Variants in IL1RAPL1 observed in about 807,000 individuals in gnomAD.
IL1RAPL1 encodes interleukin 1 receptor accessory protein like 1.
Under a neutral mutation model 48.4 loss-of-function variants are expected in IL1RAPL1, and 3 were observed. That is an observed-to-expected ratio of 0.06 (90% CI 0.03 to 0.16). The LOEUF is 0.16. Ranked by LOEUF, IL1RAPL1 falls within the 10% of genes least tolerant of loss-of-function variation. The pLI, the probability that IL1RAPL1 is intolerant of heterozygous loss-of-function variation, is 1.00. For missense variants in IL1RAPL1, 349 were observed against 530.6 expected, an observed-to-expected ratio of 0.66 and a Z score of 3.36; for synonymous variants, 185 against 187.7, an observed-to-expected ratio of 0.99 and a Z score of 0.12.
intron 2 of IL1RAPL1, among the ~76,000 whole-genome samples, chrX:29,122,853 C>G (rs1340555679): frequency 9.1e-6 from 1 of 110,264 alleles, no homozygotes; most frequent in African/African-American, 3.3e-5. Context: ...GAAGAGCTTT[C>G]CTTTCTTACT....
intron 3 of IL1RAPL1, among the ~76,000 whole-genome samples, chrX:29,310,128 A>C (rs1932696868): frequency 1.7e-5 from 1 of 58,828 alleles, no homozygotes; most frequent in Non-Finnish European, 3.4e-5. Context: ...AAAAAAAAAA[A>C]AGAAAGGAAA....
intron 6 of IL1RAPL1, among the ~76,000 whole-genome samples, chrX:29,845,637 TA>T (rs1344682028): frequency 9.0e-6 from 1 of 110,899 alleles, no homozygotes; most frequent in Non-Finnish European, 1.9e-5. Context: ...CTGGCCTGAA[TA>T]ACAAAATATA....
intron 2 of IL1RAPL1, among the ~76,000 whole-genome samples, chrX:28,907,263 A>C (rs1055659063): frequency 1.8e-5 from 2 of 110,945 alleles, no homozygotes; most frequent in South Asian, 7.5e-4. Flanking sequence ...TATTTTTATT[A>C]GTATTTTTTG....
At chrX:29,476,872 CTTTTT>C (rs1198120274) in intron 5 of IL1RAPL1, among the ~76,000 whole-genome samples, 4 of 53,933 alleles carry the variant, frequency 7.4e-5, no homozygotes, top group African/African-American at 1.4e-4. Context: ...TACCCATATT[CTTTTT>C]TTTTTTTTTT....
Position 28,731,765 on chromosome X carries a change from C to T in IL1RAPL1, c.-24-57555C>T, listed in dbSNP as rs542502285. Among the ~76,000 whole-genome samples, 18 of 111,539 alleles carry T rather than the reference C, an allele frequency of 1.6e-4. No individual in the cohort carries two copies. In the South Asian group the frequency reaches 6.4e-3, roughly 40 times the overall value. On this transcript the variant is annotated intron_variant, in intron 1 of 10. Transcript: ENST00000378993. ...TGTTTTTTCCCTCCCTTCTTTCTCCCCTACCTCCTAACCCCAGACAACTGT... is the reference window on the plus strand; with the variant it reads ...TGTTTTTTCCCTCCCTTCTTTCTCCTCTACCTCCTAACCCCAGACAACTGT...
Position 29,136,679 on chromosome X carries a change from A to G in IL1RAPL1, c.83-146259A>G, listed in dbSNP as rs1464731966. Among the ~76,000 whole-genome samples, 3 of 111,641 alleles carry G rather than the reference A, an allele frequency of 2.7e-5. No individual in the cohort carries two copies. In the Admixed American group the frequency reaches 2.9e-4, roughly 11 times the overall value. ...ACCCAGCCTCACTGTGTGATCTTGAATAAGTTACTGAGCCTAGTTTCTCTG... is the reference window on the plus strand; with the variant it reads ...ACCCAGCCTCACTGTGTGATCTTGAGTAAGTTACTGAGCCTAGTTTCTCTG... On this transcript the variant is annotated intron_variant, in intron 2 of 10. Transcript: ENST00000378993.
intron 3 of IL1RAPL1, among the ~76,000 whole-genome samples, chrX:29,283,560 T>G (rs1437782317): frequency 8.9e-6 from 1 of 112,420 alleles, no homozygotes; most frequent in African/African-American, 3.2e-5. Context: ...CTAAATGAGT[T>G]GTAACATTTT....
chrX:29,273,089 T>G, intron 2 of IL1RAPL1, among the ~76,000 whole-genome samples: 1 of 112,009 alleles, frequency 8.9e-6, no homozygotes, highest in African/African-American at 3.2e-5. Context: ...CTCCTGAATC[T>G]CCATAATTTT....
chrX:29,064,613 G>A (rs1602039035), intron 2 of IL1RAPL1, among the ~76,000 whole-genome samples: 1 of 110,913 alleles, frequency 9.0e-6, no homozygotes, highest in Non-Finnish European at 1.9e-5. Flanking sequence ...ATGGAGTCTC[G>A]CTCTGTCGTC....
chrX:29,413,420 T>G (rs923259910), intron 5 of IL1RAPL1, among the ~76,000 whole-genome samples: 1 of 110,593 alleles, frequency 9.0e-6, no homozygotes, highest in Non-Finnish European at 1.9e-5. Flanking sequence ...TTGTTACATA[T>G]GTATACATGT....
intron 5 of IL1RAPL1, among the ~76,000 whole-genome samples, chrX:29,402,793 T>G (rs1934010158): frequency 3.6e-5 from 4 of 111,024 alleles, no homozygotes; most frequent in Non-Finnish European, 7.6e-5. Context: ...ACATTTTTTT[T>G]TATTTTTGAT....
chrX:29,533,118 C>T lies in IL1RAPL1; in HGVS notation c.703+133810C>T, dbSNP rs529183391. Among the ~76,000 whole-genome samples the T allele has an allele frequency of 4.5e-5, 5 of 112,326 alleles. No homozygotes were observed. In the South Asian group the frequency reaches 1.8e-3, roughly 41 times the overall value. On this transcript the variant is annotated intron_variant, in intron 5 of 10. Transcript: ENST00000378993. Reference sequence around the variant, plus strand: ...TAAAGTGCTTCACTGAGATATAATTCATACACTTCACCACTCACCCATTTA... The same window carrying T: ...TAAAGTGCTTCACTGAGATATAATTTATACACTTCACCACTCACCCATTTA...
At chrX:29,224,028 G>T (rs1042205270) in intron 2 of IL1RAPL1, among the ~76,000 whole-genome samples, 1 of 111,192 alleles carries the variant, frequency 9.0e-6, no homozygotes, top group Non-Finnish European at 1.9e-5. Context: ...GTAATACCTT[G>T]CATATTATTG....
intron 2 of IL1RAPL1, among the ~76,000 whole-genome samples, chrX:29,168,572 C>T (rs865948557): frequency 2.3e-4 from 11 of 48,653 alleles, no homozygotes; most frequent in Non-Finnish European, 3.9e-4. Context: ...TATATATATA[C>T]ACACACAATT....
At position 29,674,598 on chromosome X, in the gene IL1RAPL1, G is replaced by A. The variant is rs1326771605; in HGVS notation, c.778+6094G>A. Reference sequence around the variant, plus strand: ...AAAAACTTTTATTTTAGGTTCAGGGGCACATTTGTAGGTTTGTTATATAAG... The same window carrying A: ...AAAAACTTTTATTTTAGGTTCAGGGACACATTTGTAGGTTTGTTATATAAG... On this transcript the variant is annotated intron_variant, in intron 6 of 10. Transcript: ENST00000378993. 3.0e-4 allele frequency among the ~76,000 whole-genome samples: 34 copies of A among 111,569 alleles called. No homozygotes were observed. In the Admixed American group the frequency reaches 3.1e-3, roughly 10 times the overall value.
chrX:28,905,941 A>C (rs768388558), intron 2 of IL1RAPL1, among the ~76,000 whole-genome samples: 1 of 112,055 alleles, frequency 8.9e-6, no homozygotes, highest in South Asian at 3.7e-4. Context: ...AGACGTTCTC[A>C]CACTGCTATA....
chrX:29,187,301 C>T (rs1469500248), intron 2 of IL1RAPL1, among the ~76,000 whole-genome samples: 1 of 111,434 alleles, frequency 9.0e-6, no homozygotes, highest in Non-Finnish European at 1.9e-5. Flanking sequence ...AGAATTATGA[C>T]ATGTGTAAGA....
chrX:28,987,153 G>T (rs1925495215), intron 2 of IL1RAPL1, among the ~76,000 whole-genome samples: 1 of 112,321 alleles, frequency 8.9e-6, no homozygotes, highest in Non-Finnish European at 1.9e-5. Context: ...ATTTAGGAAA[G>T]TTGTTTTCAA....
intron 6 of IL1RAPL1, among the ~76,000 whole-genome samples, chrX:29,854,187 C>T (rs1002381008): frequency 8.9e-6 from 1 of 111,793 alleles, no homozygotes; most frequent in African/African-American, 3.3e-5. Context: ...ATTCACACAC[C>T]GTTAAGGCTC....
Sources: allele counts gnomAD v4.1 joint callset (sites outside exome capture counted in the v4.1 genomes callset), GRCh38; gene constraint gnomAD v4.1.1; transcripts MANE v1.5; gene names NCBI Gene and HGNC (gene_info 2026-07-23, HGNC 2026-07-21).